EZH2: variants seen among roughly 807,000 people sequenced by gnomAD.
The protein encoded by EZH2 is histone-lysine N-methyltransferase EZH2.
A neutral mutation model predicts 98.4 loss-of-function variants in EZH2; 18 were observed. The observed-to-expected ratio is 0.18, with a 90% CI of 0.13 to 0.27. The LOEUF is 0.27. Among genes scored for constraint, EZH2 ranks in the 10% least tolerant of loss-of-function variants. The pLI is 1.00. For missense variants in EZH2, 470 were observed against 935.1 expected (o/e 0.50, Z 6.49); for synonymous variants, 338 against 312.3 (o/e 1.08, Z -0.87).
intron 8 of EZH2, among the ~76,000 whole-genome samples, chr7:148,821,282 G>C (rs1020960891): frequency 6.6e-6 from 1 of 151,946 alleles, no homozygotes; most frequent in African/African-American, 2.4e-5. Flanking sequence ...CAAAACAGAA[G>C]ACAAAATGTG....
chr7:148,811,894 T>C (rs1803184833), intron 15 of EZH2, 174 bp from the exon 16 acceptor site: 2 of 583,024 alleles, frequency 3.4e-6, no homozygotes, highest in East Asian at 5.7e-5. Flanking sequence ...TGAGAATGGC[T>C]ATGAACATTA....
intron 1 of EZH2, among the ~76,000 whole-genome samples, chr7:148,874,419 A>C (rs1190943438): frequency 6.6e-6 from 1 of 151,886 alleles, no homozygotes. Context: ...AAAAACACCT[A>C]TCAGAGATAA....
intron 3 of EZH2, among the ~76,000 whole-genome samples, chr7:148,833,466 A>T (rs1180312): frequency 0.25 from 7,786 of 31,696 alleles, 456 homozygotes; most frequent in African/African-American, 0.46. Flanking sequence ...CAAAAAAAAA[A>T]AAAATAAAAT....
intron 3 of EZH2, among the ~76,000 whole-genome samples, chr7:148,840,339 T>C (rs1245716719): frequency 2.0e-5 from 3 of 152,158 alleles, no homozygotes; most frequent in Non-Finnish European, 4.4e-5. Flanking sequence ...ACACTACATA[T>C]TTTTTAAAAG....
chr7:148,808,137 G>A (rs890934982), intron 19 of EZH2, among the ~76,000 whole-genome samples: 3 of 152,324 alleles, frequency 2.0e-5, no homozygotes, highest in Admixed American at 1.3e-4. Context: ...GCTCCCCCAG[G>A]TGAAGCAAGA....
rs112935521 is a variant in EZH2 at position 148,811,884 on chromosome 7, T to C, written c.1852-164A>G. Reference sequence around the variant, plus strand: ...CAGCTTCAGTCAACGTGAAAGCTGCTGAGAATGGCTATGAACATTATGTTT... The same window carrying C: ...CAGCTTCAGTCAACGTGAAAGCTGCCGAGAATGGCTATGAACATTATGTTT... On this transcript the variant is annotated intron_variant, in intron 15 of 19. Transcript: ENST00000320356. 12 of 601,110 alleles carry C rather than the reference T, an allele frequency of 2.0e-5. 1 individual carries two copies. Among genetic ancestry groups the C allele is most frequent in the African/African-American group, 1.5e-4 (8 of 54,090 alleles). 37.2% of individuals were successfully genotyped at this position (601,110 alleles called of 1,614,324 possible).
At chr7:148,837,745 C>G (rs940603568) in intron 3 of EZH2, among the ~76,000 whole-genome samples, 3 of 152,002 alleles carry the variant, frequency 2.0e-5, no homozygotes, top group Non-Finnish European at 4.4e-5. Context: ...GAGGCAGAAA[C>G]AAAAACGGAA....
intron 6 of EZH2, among the ~76,000 whole-genome samples, chr7:148,827,594 G>A (rs1585011663): frequency 6.6e-6 from 1 of 152,124 alleles, no homozygotes; most frequent in Non-Finnish European, 1.5e-5. Context: ...TAAAATGAAG[G>A]AGCTGAACTA....
At chr7:148,815,185 G>A in intron 13 of EZH2, 146 bp from the exon 14 acceptor site, 1 of 1,127,480 alleles carries the variant, frequency 8.9e-7, no homozygotes, top group Non-Finnish European at 1.2e-6. Flanking sequence ...ACATATTCCG[G>A]TTTCCACAAC....
chr7:148,817,085 G>T (rs1358054825), intron 11 of EZH2, 137 bp downstream of exon 11: 3 of 808,998 alleles, frequency 3.7e-6, no homozygotes, highest in African/African-American at 3.5e-5. Context: ...ATTCCCTCTT[G>T]GGAAGAAAAA....
intron 16 of EZH2, among the ~76,000 whole-genome samples, chr7:148,810,825 G>A (rs1176198725): frequency 2.0e-5 from 3 of 151,362 alleles, no homozygotes; most frequent in Non-Finnish European, 4.4e-5. Context: ...GAACCCGGGA[G>A]GCTGAGGTTG....
intron 1 of EZH2, among the ~76,000 whole-genome samples, chr7:148,859,125 A>T (rs1043990355): frequency 1.3e-5 from 2 of 152,250 alleles, no homozygotes; most frequent in Non-Finnish European, 2.9e-5. Flanking sequence ...TACAAGCCAG[A>T]GACTACAATA....
chr7:148,826,667 A>C (rs1807801299), intron 7 of EZH2, 35 bp from the exon 8 acceptor site: 1 of 1,424,814 alleles, frequency 7.0e-7, no homozygotes, highest in South Asian at 1.8e-5. Context: ...AGTAAACATG[A>C]AACAAAAATC....
At chr7:148,833,329 C>T (rs533959401) in intron 3 of EZH2, among the ~76,000 whole-genome samples, 36 of 151,606 alleles carry the variant, frequency 2.4e-4, no homozygotes, top group African/African-American at 6.3e-4. Context: ...TGGTGGCGCG[C>T]GCCTGTAGTC....
At chr7:148,859,418 A>C (rs770251401) in intron 1 of EZH2, among the ~76,000 whole-genome samples, 37 of 152,118 alleles carry the variant, frequency 2.4e-4, no homozygotes, top group Non-Finnish European at 1.5e-4. Flanking sequence ...AGGCATGAGA[A>C]TCACTTGAGC....
intron 1 of EZH2, among the ~76,000 whole-genome samples, chr7:148,864,815 A>G (rs1439233366): frequency 1.3e-5 from 2 of 152,048 alleles, no homozygotes; most frequent in African/African-American, 2.4e-5. Flanking sequence ...ACACTGTTGG[A>G]GGAAAAACGG....
intron 1 of EZH2, among the ~76,000 whole-genome samples, chr7:148,861,986 G>A (rs990380695): frequency 6.6e-6 from 1 of 152,108 alleles, no homozygotes; most frequent in Non-Finnish European, 1.5e-5. Context: ...TTAGAAAAGG[G>A]AGAGTGTTTG....
intron 1 of EZH2, among the ~76,000 whole-genome samples, chr7:148,866,133 T>C (rs1818409826): frequency 6.6e-6 from 1 of 152,178 alleles, no homozygotes; most frequent in South Asian, 2.1e-4. Context: ...ATGATTTTCC[T>C]ATACTTAAAA....
At chr7:148,881,072 G>C (rs764456434) in intron 1 of EZH2, among the ~76,000 whole-genome samples, 2 of 152,132 alleles carry the variant, frequency 1.3e-5, no homozygotes, top group Non-Finnish European at 2.9e-5. Flanking sequence ...GCTCTCCCCC[G>C]AAGATTTCAC....
Sources: allele counts gnomAD v4.1 joint callset (sites outside exome capture counted in the v4.1 genomes callset), GRCh38; gene constraint gnomAD v4.1.1; transcripts MANE v1.5; gene names NCBI Gene and HGNC (gene_info 2026-07-23, HGNC 2026-07-21).